MDGA2: variants seen among roughly 807,000 people sequenced by gnomAD.
MDGA2 encodes the protein MAM domain-containing glycosylphosphatidylinositol anchor protein 2.
A neutral mutation model predicts 117.8 loss-of-function variants in MDGA2; 40 were observed. The ratio of observed to expected loss-of-function variants is 0.34; its 90% CI spans 0.26 to 0.44. The LOEUF (loss-of-function observed/expected upper bound fraction) is 0.44, where lower values mean the gene tolerates loss of function less well. Ranked by LOEUF, MDGA2 falls within the 20% of genes least tolerant of loss-of-function variation. The pLI is 1.00. For synonymous variants in MDGA2, 452 were observed against 439.0 expected, an observed-to-expected ratio of 1.03 and a Z score of -0.37; for missense variants, 1,123 against 1,250.6, an observed-to-expected ratio of 0.90 and a Z score of 1.54.
At chr14:47,200,797 C>A in intron 3 of MDGA2, 1 of 807,870 alleles carries the variant, frequency 1.2e-6, no homozygotes, top group Non-Finnish European at 2.1e-6. Context: ...TTCTTGCAGG[C>A]TTCAAACGCA....
At chr14:47,664,966 G>A (rs1320860275) in intron 1 of MDGA2, among the ~76,000 whole-genome samples, 5 of 152,252 alleles carry the variant, frequency 3.3e-5, no homozygotes, top group African/African-American at 1.2e-4. Context: ...ATATATCTGA[G>A]CAAGTTCCAG....
At chr14:46,934,502 C>A (rs370320176) in intron 9 of MDGA2, among the ~76,000 whole-genome samples, 170 of 152,198 alleles carry the variant, frequency 1.1e-3, no homozygotes, top group African/African-American at 3.9e-3. Flanking sequence ...GTTAATAAGA[C>A]TATCATAATT....
chr14:47,097,348 G>A (rs1043122181), intron 5 of MDGA2, among the ~76,000 whole-genome samples: 3 of 151,842 alleles, frequency 2.0e-5, no homozygotes, highest in East Asian at 3.9e-4. Flanking sequence ...ACATAGAAAG[G>A]GGAAATAAAA....
chr14:47,549,512 C>G (rs1430815234), intron 1 of MDGA2, among the ~76,000 whole-genome samples: 1 of 152,032 alleles, frequency 6.6e-6, no homozygotes, highest in Non-Finnish European at 1.5e-5. Context: ...GGCTCTTATA[C>G]TCTTATATTT....
At chr14:47,272,366 CT>C (rs1418038370) in intron 2 of MDGA2, among the ~76,000 whole-genome samples, 1 of 152,052 alleles carries the variant, frequency 6.6e-6, no homozygotes, top group Non-Finnish European at 1.5e-5. Context: ...CAAGCTATCT[CT>C]GATACCAGTT....
chr14:47,176,883 A>T (rs561553003), intron 3 of MDGA2, among the ~76,000 whole-genome samples: 2 of 152,316 alleles, frequency 1.3e-5, no homozygotes, highest in South Asian at 4.1e-4. Flanking sequence ...AATGGGAGAA[A>T]ATTTTCGCAA....
At chr14:47,484,151 T>A (rs189987712) in intron 1 of MDGA2, among the ~76,000 whole-genome samples, 1,531 of 152,290 alleles carry the variant, frequency 0.01, 19 homozygotes, top group Middle Eastern at 0.024. Context: ...CTTTTTGATA[T>A]TTTTTGAGAT....
At chr14:47,291,277 G>A (rs1888878073) in intron 2 of MDGA2, among the ~76,000 whole-genome samples, 1 of 152,100 alleles carries the variant, frequency 6.6e-6, no homozygotes, top group African/African-American at 2.4e-5. Context: ...GAATCCAAAG[G>A]TCTATCTTAT....
chr14:47,467,628 T>A (rs1271983644), intron 1 of MDGA2, among the ~76,000 whole-genome samples: 4 of 152,138 alleles, frequency 2.6e-5, no homozygotes, highest in Non-Finnish European at 5.9e-5. Context: ...TGGGTATGAA[T>A]CCTCACTCTT....
intron 1 of MDGA2, among the ~76,000 whole-genome samples, chr14:47,404,067 G>C (rs142725670): frequency 1.3e-5 from 2 of 151,928 alleles, no homozygotes; most frequent in South Asian, 2.1e-4. Context: ...CCTGTGTCAC[G>C]TAAAATTTAT....
chr14:47,057,194 T>C (rs1333607511), intron 7 of MDGA2, among the ~76,000 whole-genome samples: 1 of 152,162 alleles, frequency 6.6e-6, no homozygotes, highest in Non-Finnish European at 1.5e-5. Flanking sequence ...ACTAGCGCAA[T>C]GCTACTTTTG....
intron 8 of MDGA2, among the ~76,000 whole-genome samples, chr14:47,001,776 A>G (rs1440906598): frequency 6.6e-6 from 1 of 152,122 alleles, no homozygotes; most frequent in Non-Finnish European, 1.5e-5. Flanking sequence ...ATGCAAGGTT[A>G]TAAGACATAG....
intron 10 of MDGA2, among the ~76,000 whole-genome samples, chr14:46,913,720 A>C (rs1357702897): frequency 6.6e-6 from 1 of 152,168 alleles, no homozygotes; most frequent in Non-Finnish European, 1.5e-5. Flanking sequence ...TGAAGTTTGC[A>C]CCTCAGTGAT....
intron 16 of MDGA2, among the ~76,000 whole-genome samples, chr14:46,842,384 T>C (rs1256095963): frequency 6.6e-6 from 1 of 152,166 alleles, no homozygotes; most frequent in Non-Finnish European, 1.5e-5. Flanking sequence ...GTAGATTTTT[T>C]TTCAAGCTTC....
In MDGA2 at chr14:47,059,256, G is replaced by C. The variant is rs924606593; in HGVS notation, c.1525+1993C>G. ...TATAGCAATGAGTGATGCAGACAAA[G>C]TCTCAGACTTTGTAGAGCTTCCATT... On this transcript the variant is annotated intron_variant, in intron 7 of 16. Coordinates refer to ENST00000399232, the MANE Select transcript of MDGA2 (RefSeq NM_001113498.3). 3 of 1,126,976 alleles carry C rather than the reference G, an allele frequency of 2.7e-6. No homozygotes were observed. The African/African-American group carries it at 4.8e-5, about 18-fold the overall frequency. The allele number at this position is 1,126,976 out of a possible 1,614,324, so 69.8% of individuals were successfully genotyped here.
intron 1 of MDGA2, among the ~76,000 whole-genome samples, chr14:47,326,468 T>A (rs148666830): frequency 1.1e-3 from 163 of 152,186 alleles, no homozygotes; most frequent in Non-Finnish European, 1.9e-3. Flanking sequence ...ATAGCACCCC[T>A]CAAATAGCTT....
At chr14:47,033,868 A>C (rs1247429013) in intron 8 of MDGA2, among the ~76,000 whole-genome samples, 1 of 152,148 alleles carries the variant, frequency 6.6e-6, no homozygotes, top group African/African-American at 2.4e-5. Flanking sequence ...GCATAAATAC[A>C]TTTGTCTCAT....
intron 1 of MDGA2, among the ~76,000 whole-genome samples, chr14:47,417,566 A>G (rs1892499404): frequency 6.6e-6 from 1 of 152,146 alleles, no homozygotes; most frequent in South Asian, 2.1e-4. Flanking sequence ...AACCAGAATC[A>G]CCCTGAATGG....
At chr14:47,290,297 T>C (rs1888836988) in intron 2 of MDGA2, among the ~76,000 whole-genome samples, 1 of 152,068 alleles carries the variant, frequency 6.6e-6, no homozygotes, top group African/African-American at 2.4e-5. Flanking sequence ...CCTAGAGAGC[T>C]TGTGCACCCT....
Sources: allele counts gnomAD v4.1 joint callset (sites outside exome capture counted in the v4.1 genomes callset), GRCh38; gene constraint gnomAD v4.1.1; transcripts MANE v1.5; gene names NCBI Gene and HGNC (gene_info 2026-07-23, HGNC 2026-07-21).